The following CSMD1 variants were observed in gnomAD, a reference collection of about 807,000 sequenced individuals.
The protein encoded by CSMD1 is CUB and sushi domain-containing protein 1.
A neutral mutation model predicts 417.5 loss-of-function variants in CSMD1; 213 were observed. That is an observed-to-expected ratio of 0.51 (90% CI 0.46 to 0.57). The LOEUF is 0.57. Among genes scored for constraint, CSMD1 ranks in the 20% least tolerant of loss-of-function variants. CSMD1 has a pLI of 0.00. For missense variants in CSMD1, 6,923 were observed against 4,529.7 expected, an observed-to-expected ratio of 1.53 and a Z score of -15.17; for synonymous variants, 2,862 against 1,736.8, an observed-to-expected ratio of 1.65 and a Z score of -16.11.
At chr8:3,447,091 T>C (rs566333053) in intron 12 of CSMD1, among the ~76,000 whole-genome samples, 1 of 152,276 alleles carries the variant, frequency 6.6e-6, no homozygotes, top group South Asian at 2.1e-4. Flanking sequence ...ATATTTTGAG[T>C]ACCTCATTAA....
At chr8:3,143,352 A>T (rs1818625413) in intron 40 of CSMD1, among the ~76,000 whole-genome samples, 1 of 152,184 alleles carries the variant, frequency 6.6e-6, no homozygotes, top group Non-Finnish European at 1.5e-5. Context: ...ACCCAATCTA[A>T]TCAACCGCAC....
rs566494785 is a variant in CSMD1, at chr8:4,664,821, T to C, written c.86-27263A>G. ...ATCTTTATGGTGAGGGAAAATCTTCTTTGTATGCATTTCAAATGGATTACA... is the reference window on the plus strand; with the variant it reads ...ATCTTTATGGTGAGGGAAAATCTTCCTTGTATGCATTTCAAATGGATTACA... On this transcript the variant is annotated intron_variant, in intron 1 of 69. Coordinates refer to ENST00000635120, the MANE Select transcript of CSMD1 (RefSeq NM_033225.6). Among the ~76,000 whole-genome samples, 7 of 152,284 alleles carry C rather than the reference T, an allele frequency of 4.6e-5. No individual in the cohort carries two copies. In the East Asian group the frequency reaches 1.4e-3, roughly 29 times the overall value.
rs140263547 is a variant in CSMD1 at position 3,604,536 on chromosome 8, G to A, written c.1097+12174C>T. 5.0e-4 allele frequency among the ~76,000 whole-genome samples: 76 copies of A among 152,214 alleles called. 1 individual carries two copies. In the South Asian group the frequency reaches 0.016, roughly 31 times the overall value. On this transcript the variant is annotated intron_variant, in intron 8 of 69. Coordinates refer to ENST00000635120, the MANE Select transcript of CSMD1 (RefSeq NM_033225.6). The stretch of plus-strand genomic sequence containing the variant: ...GCCAATACCACATAGGATACCAACC[G>A]AGATATCAGTGTATGCATCTGCTCT...
chr8:3,858,969 C>T (rs757893442), intron 5 of CSMD1, among the ~76,000 whole-genome samples: 9 of 152,270 alleles, frequency 5.9e-5, no homozygotes, highest in East Asian at 5.8e-4. Context: ...TAAAGTATAA[C>T]GACATCAATC....
At chr8:4,301,211 G>C (rs138788821) in intron 3 of CSMD1, among the ~76,000 whole-genome samples, 6 of 152,230 alleles carry the variant, frequency 3.9e-5, no homozygotes, top group Non-Finnish European at 7.4e-5. Context: ...CTAAACTTTT[G>C]GCTAGTTTGT....
intron 2 of CSMD1, among the ~76,000 whole-genome samples, chr8:4,476,732 T>C (rs1243358842): frequency 6.6e-6 from 1 of 152,180 alleles, no homozygotes; most frequent in East Asian, 1.9e-4. Context: ...ATAGCTTTCT[T>C]AATTTCTATA....
At chr8:3,762,138 T>C (rs1798042538) in intron 5 of CSMD1, among the ~76,000 whole-genome samples, 1 of 152,106 alleles carries the variant, frequency 6.6e-6, no homozygotes, top group African/African-American at 2.4e-5. Context: ...CCTCTTCAGG[T>C]GCACATCGCC....
intron 18 of CSMD1, among the ~76,000 whole-genome samples, chr8:3,378,315 G>A (rs1165943944): frequency 6.6e-6 from 1 of 152,086 alleles, no homozygotes; most frequent in Non-Finnish European, 1.5e-5. Context: ...AATTCTCCCA[G>A]AAGTACAAAG....
At chr8:3,263,566 T>A (rs902347290) in intron 26 of CSMD1, among the ~76,000 whole-genome samples, 19 of 152,204 alleles carry the variant, frequency 1.2e-4, no homozygotes, top group Non-Finnish European at 2.2e-4. Flanking sequence ...ATTCAAGTAA[T>A]TTTTGAAATT....
Position 4,584,420 on chromosome 8 carries a change from T to C in CSMD1, c.302+52922A>G, listed in dbSNP as rs370844031. ...TTTTCATTAGAATTCGGGGGCTAAA[T>C]ACCGGGCACCTGTCGGCCAGTTAAA... On this transcript the variant is annotated intron_variant, in intron 2 of 69. Transcript: ENST00000635120. Among the ~76,000 whole-genome samples, 9 of 152,144 alleles carry C rather than the reference T, an allele frequency of 5.9e-5. 1 individual carries two copies. The highest frequency in any genetic ancestry group is 2.2e-4 in the African/African-American group (9 of 41,532).
chr8:4,794,099 G>T (rs577005779), intron 1 of CSMD1, among the ~76,000 whole-genome samples: 1 of 152,254 alleles, frequency 6.6e-6, no homozygotes, highest in East Asian at 1.9e-4. Context: ...CTGGAGATAA[G>T]TCAGATAAGT....
At chr8:3,179,901 C>G (rs540207105) in intron 37 of CSMD1, among the ~76,000 whole-genome samples, 2 of 152,240 alleles carry the variant, frequency 1.3e-5, no homozygotes, top group South Asian at 4.2e-4. Context: ...CCATAATAAG[C>G]AGGAAAATTT....
At chr8:3,329,446 G>A (rs943694613) in intron 23 of CSMD1, among the ~76,000 whole-genome samples, 4 of 152,098 alleles carry the variant, frequency 2.6e-5, no homozygotes, top group Non-Finnish European at 5.9e-5. Context: ...CACATTACAG[G>A]GGAGCATATA....
intron 1 of CSMD1, among the ~76,000 whole-genome samples, chr8:4,741,838 T>G (rs1224359342): frequency 6.6e-6 from 1 of 151,778 alleles, no homozygotes; most frequent in Non-Finnish European, 1.5e-5. Flanking sequence ...AGTTTGGGTG[T>G]TATCCTTGTT....
At chr8:3,038,955 A>G (rs1810884335) in intron 50 of CSMD1, among the ~76,000 whole-genome samples, 1 of 152,168 alleles carries the variant, frequency 6.6e-6, no homozygotes, top group African/African-American at 2.4e-5. Flanking sequence ...GACTATATAG[A>G]TTAGGTAAAC....
chr8:3,623,320 T>C (rs1796347316), intron 7 of CSMD1, among the ~76,000 whole-genome samples: 1 of 152,196 alleles, frequency 6.6e-6, no homozygotes, highest in African/African-American at 2.4e-5. Flanking sequence ...TTTGAGGACA[T>C]GCCATGTAAG....
rs141342544 is a variant in CSMD1 at position 4,372,491 on chromosome 8, C to CA, written c.415+47461dup. ...AGTTAAGTGTCACTTAAAACAACAACAACAAAAAACAGAAAAAAAGTCCTC... is the reference window on the plus strand; with the variant it reads ...AGTTAAGTGTCACTTAAAACAACAACAAACAAAAAACAGAAAAAAAGTCCTC... On this transcript the variant is annotated intron_variant, in intron 3 of 69. Coordinates refer to ENST00000635120, the MANE Select transcript of CSMD1 (RefSeq NM_033225.6). Among the ~76,000 whole-genome samples, 1,028 of 151,572 alleles carry CA rather than the reference C, an allele frequency of 6.8e-3. 13 individuals are homozygous for CA. The highest frequency in any genetic ancestry group is 0.024 in the African/African-American group (981 of 41,284).
intron 1 of CSMD1, among the ~76,000 whole-genome samples, chr8:4,739,059 T>C (rs1810431864): frequency 6.6e-6 from 1 of 152,188 alleles, no homozygotes; most frequent in Non-Finnish European, 1.5e-5. Context: ...ATATATTCTT[T>C]TTAAACACAC....
rs192151149 is a variant in CSMD1, at chr8:4,941,796, C to A, written c.85+52536G>T. 5.0e-3 allele frequency among the ~76,000 whole-genome samples: 753 copies of A among 152,100 alleles called. 4 individuals are homozygous for A. The highest frequency in any genetic ancestry group is 7.7e-3 in the Non-Finnish European group (523 of 67,964). On this transcript the variant is annotated intron_variant, in intron 1 of 69. Coordinates refer to ENST00000635120, the MANE Select transcript of CSMD1 (RefSeq NM_033225.6). ...AATTCTTTTGTAGGGACAGGGTCTCCCCATGTTGCCCAGGATGGTCTTGAA... is the reference window on the plus strand; with the variant it reads ...AATTCTTTTGTAGGGACAGGGTCTCACCATGTTGCCCAGGATGGTCTTGAA...
Sources: gnomAD v4.1 joint callset for allele counts (sites outside exome capture counted in the v4.1 genomes callset) on GRCh38, gnomAD v4.1.1 for gene constraint, MANE v1.5 for transcripts, NCBI Gene and HGNC (gene_info 2026-07-23, HGNC 2026-07-21) for gene names.